IL17RA: variants seen among roughly 807,000 people sequenced by gnomAD.
The protein encoded by IL17RA is interleukin 17 receptor A, also known as interleukin-17 receptor A.
A neutral mutation model predicts 50.4 loss-of-function variants in IL17RA; 34 were observed. The ratio of observed to expected loss-of-function variants is 0.67; its 90% confidence interval spans 0.51 to 0.90. The LOEUF (loss-of-function observed/expected upper bound fraction) is 0.90. IL17RA is among the 40% of genes least tolerant of loss of function. The pLI, the probability that IL17RA is intolerant of heterozygous loss-of-function variation, is 0.00. For missense variants in IL17RA, 1,276 were observed against 1,169.8 expected (o/e 1.09, Z -1.32); for synonymous variants, 585 against 510.4 (o/e 1.15, Z -1.97).
At chr22:17,102,996 G>C (rs1230623167) in intron 7 of IL17RA, among the ~76,000 whole-genome samples, 8 of 152,264 alleles carry the variant, frequency 5.3e-5, no homozygotes, top group African/African-American at 1.9e-4. Flanking sequence ...ACAAAAATTA[G>C]CCAGGTGTGC....
rs917865 is a variant in IL17RA, at chr22:17,085,084, G to C, written c.-8G>C. 0.81 allele frequency: 1,061,909 copies of C among 1,315,154 alleles called. 430,895 individuals carry two copies. The highest frequency in any genetic ancestry group is 0.96 in the African/African-American group (62,582 of 64,952). 81.5% of individuals were successfully genotyped at this position (1,315,154 alleles called of 1,614,324 possible). On this transcript the variant is annotated 5_prime_UTR_variant, in exon 1 of 13. Coordinates refer to ENST00000319363, the MANE Select transcript of IL17RA (RefSeq NM_014339.7). ...CGGGGCCGAGCCCTCCGCGACGCCA[G>C]CCGGGCCATGGGGGCCGCACGCAGC... is the stretch of plus-strand genomic sequence containing the variant.
Position 17,111,818 on chromosome 22 carries a change from C to T in IL17RA, c.*1998C>T, listed in dbSNP as rs1601352835. On this transcript the variant is annotated 3_prime_UTR_variant, in exon 13 of 13. Transcript: ENST00000319363. ...TGGTAAGAGTTTCTAGCAGGAAGGT[C>T]GAGCCACTTACTGTAGGTCAAGAAG... is the stretch of plus-strand genomic sequence containing the variant. The T allele has an allele frequency of 6.6e-6, 1 of 152,264 alleles. No individual in the cohort carries two copies. The highest frequency in any genetic ancestry group is 3.4e-3 in the Middle Eastern group (1 of 294). 9.4% of individuals were successfully genotyped at this position (152,264 alleles called of 1,614,324 possible).
chr22:17,094,709 A>ATATATATATATATATATATG (rs2061362759), intron 1 of IL17RA, among the ~76,000 whole-genome samples: 1 of 85,292 alleles, frequency 1.2e-5, no homozygotes, highest in South Asian at 3.4e-4. Flanking sequence ...ATATATATAT[A>ATATATATATATATATATATG]TATATATATT....
chr22:17,105,994 A>G, intron 11 of IL17RA, 40 bp downstream of exon 11: 1 of 1,493,368 alleles, frequency 6.7e-7, no homozygotes. Context: ...GTCAGGCTCT[A>G]ATACCAGCAC....
intron 1 of IL17RA, among the ~76,000 whole-genome samples, chr22:17,087,841 C>T (rs752675209): frequency 3.9e-5 from 6 of 152,250 alleles, no homozygotes; most frequent in Non-Finnish European, 7.3e-5. Context: ...AATGTTAACA[C>T]GTAATTTCAT....
At chr22:17,095,123 A>G (rs952127080) in intron 1 of IL17RA, among the ~76,000 whole-genome samples, 1 of 152,196 alleles carries the variant, frequency 6.6e-6, no homozygotes, top group Non-Finnish European at 1.5e-5. Context: ...TGCAATTCTA[A>G]ATAAAATATT....
chr22:17,103,688 AGT>A, intron 8 of IL17RA, 111 bp downstream of exon 8: 2 of 839,788 alleles, frequency 2.4e-6, no homozygotes, highest in South Asian at 1.4e-5. Flanking sequence ...GGGAGTGGGG[AGT>A]GTGCACAGGT....
chr22:17,087,586 A>G (rs2061332837), intron 1 of IL17RA, among the ~76,000 whole-genome samples: 1 of 152,246 alleles, frequency 6.6e-6, no homozygotes, highest in African/African-American at 2.4e-5. Flanking sequence ...CTTGGAAGGT[A>G]GTGGCAAGCT....
At chr22:17,094,664 T>TCTCTCTCTCTCTCTCTCTCTCTCC (rs2061359868) in intron 1 of IL17RA, among the ~76,000 whole-genome samples, 1 of 37,962 alleles carries the variant, frequency 2.6e-5, no homozygotes, top group Non-Finnish European at 5.2e-5. Flanking sequence ...ACACTCTCTC[T>TCTCTCTCTCTCTCTCTCTCTCTCC]CTCTCTCTCT....
chr22:17,104,612 TG>T, intron 8 of IL17RA, 113 bp from the exon 9 acceptor site: 1 of 918,352 alleles, frequency 1.1e-6, no homozygotes, highest in Non-Finnish European at 1.7e-6. Context: ...GATGGTCACC[TG>T]GAGATCGTGG....
Position 17,086,524 on chromosome 22 carries a change from G to A in IL17RA, c.138+1295G>A, listed in dbSNP as rs148339515. 2.6e-4 allele frequency among the ~76,000 whole-genome samples: 40 copies of A among 152,300 alleles called. 1 individual carries two copies. Among genetic ancestry groups the A allele is most frequent in the African/African-American group, 9.6e-4 (40 of 41,552 alleles). On this transcript the variant is annotated intron_variant, in intron 1 of 12. Transcript: ENST00000319363. ...TATGGAGGGTTGGTGCGCCTGGGTT[G>A]ACAGCCATTGGTCAGGTGCCTGCAG...
At position 17,085,007 on chromosome 22, in the gene IL17RA, A is replaced by C; in HGVS notation, c.-85A>C. ...AGCGAGCAAAGTGGAGCCGACTCGA[A>C]CTCCACCGCGGAAAAGAAAGCCTCA... On this transcript the variant is annotated 5_prime_UTR_variant, in exon 1 of 13. Coordinates refer to ENST00000319363, the MANE Select transcript of IL17RA (RefSeq NM_014339.7). 1.6e-6 allele frequency: 2 copies of C among 1,259,760 alleles called. No homozygotes were observed. Among genetic ancestry groups the C allele is most frequent in the Non-Finnish European group, 2.0e-6 (2 of 996,910 alleles). The allele number at this position is 1,259,760 out of a possible 1,614,324, so 78.0% of individuals were successfully genotyped here.
rs139922950 is a variant in IL17RA at position 17,099,868 on chromosome 22, G to A, written c.424-487G>A. ...AGGTGCCTGCTGGCCCAGGGTGAGT[G>A]GGGGTCTCTAGCTTGTCCTTTGCAC... On this transcript the variant is annotated intron_variant, in intron 4 of 12. Coordinates refer to ENST00000319363, the MANE Select transcript of IL17RA (RefSeq NM_014339.7). Among the ~76,000 whole-genome samples the A allele has an allele frequency of 4.5e-3, 689 of 152,270 alleles. 7 individuals are homozygous for A. The highest frequency in any genetic ancestry group is 0.015 in the African/African-American group (643 of 41,548).
intron 6 of IL17RA, 45 bp downstream of exon 6, chr22:17,102,088 C>T (rs780276810): frequency 6.2e-7 from 1 of 1,612,858 alleles, no homozygotes; most frequent in Non-Finnish European, 8.5e-7. Context: ...CATACACATG[C>T]ACATGTGCGT....
At chr22:17,094,878 A>C (rs943591736) in intron 1 of IL17RA, among the ~76,000 whole-genome samples, 2 of 151,288 alleles carry the variant, frequency 1.3e-5, no homozygotes, top group African/African-American at 4.9e-5. Context: ...TATTTGCATA[A>C]TATTCCATAG....
At chr22:17,094,807 A>T (rs1410442912) in intron 1 of IL17RA, among the ~76,000 whole-genome samples, 1 of 148,856 alleles carries the variant, frequency 6.7e-6, no homozygotes, top group Non-Finnish European at 1.5e-5. Flanking sequence ...TCTCTCATCA[A>T]CACATTCCAG....
chr22:17,105,786 G>A, intron 10 of IL17RA, 67 bp from the exon 11 acceptor site: 1 of 1,476,676 alleles, frequency 6.8e-7, no homozygotes, highest in Non-Finnish European at 9.4e-7. Context: ...TGGGGAGCAG[G>A]GCTGGGGGCC....
intron 1 of IL17RA, among the ~76,000 whole-genome samples, chr22:17,090,957 C>T (rs6518658): frequency 0.041 from 6,251 of 152,184 alleles, 388 homozygotes; most frequent in African/African-American, 0.14. Context: ...TCAGATATTC[C>T]ATCAATTCCA....
chr22:17,094,671 C>CTATATATATATATATATGTGTATA lies in IL17RA; in HGVS notation c.139-2390_139-2389insATATATATATATATATGTGTATAT, dbSNP rs1568917407. On this transcript the variant is annotated intron_variant, in intron 1 of 12. Transcript: ENST00000319363. ...TCATACACACACTCTCTCTCTCTCT[C>CTATATATATATATATATGTGTATA]TCTCTCTCTCTCTCTCTCTCTATAT... Among the ~76,000 whole-genome samples, 21 of 40,762 alleles carry CTATATATATATATATATGTGTATA rather than the reference C, an allele frequency of 5.2e-4. 2 individuals carry two copies. The highest frequency in any genetic ancestry group is 9.0e-4 in the Non-Finnish European group (18 of 20,088). 26.7% of individuals were successfully genotyped at this position (40,762 alleles called of 152,430 possible).
Sources: gnomAD v4.1 joint callset for allele counts (sites outside exome capture counted in the v4.1 genomes callset) on GRCh38, gnomAD v4.1.1 for gene constraint, MANE v1.5 for transcripts, NCBI Gene and HGNC (gene_info 2026-07-23, HGNC 2026-07-21) for gene names.